The following RORA variants were observed in gnomAD, a reference collection of about 807,000 sequenced individuals.
RORA encodes RAR related orphan receptor A.
A neutral mutation model predicts 69.5 loss-of-function variants in RORA; 7 were observed. The ratio of observed to expected loss-of-function variants is 0.10; its 90% CI spans 0.06 to 0.19. The LOEUF (loss-of-function observed/expected upper bound fraction) is 0.19. Among genes scored for constraint, RORA ranks in the 10% least tolerant of loss-of-function variants. RORA has a pLI of 1.00. For synonymous variants in RORA, 261 were observed against 240.8 expected (o/e 1.08, Z -0.78); for missense variants, 457 against 663.0 (o/e 0.69, Z 3.41).
At chr15:60,522,361 T>C (rs1379566545) in intron 3 of RORA, among the ~76,000 whole-genome samples, 2 of 152,198 alleles carry the variant, frequency 1.3e-5, no homozygotes, top group Admixed American at 1.3e-4. Context: ...ACCACAGAAA[T>C]TGGCAAATGT....
chr15:60,939,517 T>G (rs558413524), intron 1 of RORA, among the ~76,000 whole-genome samples: 1 of 152,348 alleles, frequency 6.6e-6, no homozygotes, highest in South Asian at 2.1e-4. Flanking sequence ...CATAGCGGCC[T>G]TAAGTGTTCA....
chr15:60,577,874 A>G (rs1379058561), intron 2 of RORA, among the ~76,000 whole-genome samples: 2 of 152,224 alleles, frequency 1.3e-5, no homozygotes, highest in Non-Finnish European at 2.9e-5. Context: ...GAATCTTTTT[A>G]TATCTGGCTA....
At chr15:60,714,339 G>A (rs1170886266) in intron 1 of RORA, among the ~76,000 whole-genome samples, 4 of 151,896 alleles carry the variant, frequency 2.6e-5, no homozygotes, top group African/African-American at 7.2e-5. Context: ...GATTACAGGC[G>A]TGAGCCACCG....
chr15:60,707,948 T>C (rs999894239), intron 1 of RORA, among the ~76,000 whole-genome samples: 1 of 152,226 alleles, frequency 6.6e-6, no homozygotes, highest in Non-Finnish European at 1.5e-5. Flanking sequence ...CCCTGTAGGA[T>C]TTGTATAGAA....
At chr15:61,032,923 T>A (rs1196994956) in intron 1 of RORA, among the ~76,000 whole-genome samples, 3 of 152,212 alleles carry the variant, frequency 2.0e-5, no homozygotes, top group Admixed American at 6.5e-5. Flanking sequence ...ATAGCTATAA[T>A]TTATTGACTG....
chr15:61,169,489 A>C (rs909422946), intron 1 of RORA, among the ~76,000 whole-genome samples: 1 of 151,854 alleles, frequency 6.6e-6, no homozygotes, highest in African/African-American at 2.4e-5. Flanking sequence ...AGTGAGAGGA[A>C]GAGTGGTACC....
At chr15:60,525,047 C>T (rs190446447) in intron 3 of RORA, among the ~76,000 whole-genome samples, 85 of 151,936 alleles carry the variant, frequency 5.6e-4, no homozygotes, top group Non-Finnish European at 8.5e-4. Context: ...CATGTAGGGC[C>T]GACTGAATAA....
At chr15:61,017,363 TG>T (rs1895332934) in intron 1 of RORA, among the ~76,000 whole-genome samples, 1 of 152,226 alleles carries the variant, frequency 6.6e-6, no homozygotes. Flanking sequence ...GAAATGCAAA[TG>T]TATGCAATGT....
intron 1 of RORA, among the ~76,000 whole-genome samples, chr15:61,013,816 C>T (rs1236623411): frequency 4.2e-5 from 5 of 119,738 alleles, no homozygotes; most frequent in African/African-American, 1.3e-4. Flanking sequence ...GGGTGTCTCG[C>T]TCGGTTGCCC....
In RORA at chr15:61,147,764, C is replaced by CGTGTGTGT. The variant is rs1435246094; in HGVS notation, c.166+81288_166+81289insACACACAC. On this transcript the variant is annotated intron_variant, in intron 1 of 10. Coordinates refer to ENST00000335670, the MANE Select transcript of RORA (RefSeq NM_134261.3). The surrounding 1 kb of genome is among the most constrained non-coding windows in gnomAD (Gnocchi z 4.1). Reference sequence around the variant, plus strand: ...GATGGTCAGTAGGCACGTGCGCACACGCGTGTGTGTGTGTGTGTGTGTGTG... The same window carrying CGTGTGTGT: ...GATGGTCAGTAGGCACGTGCGCACACGTGTGTGTGCGTGTGTGTGTGTGTGTGTGTGTG... 1.9e-3 allele frequency among the ~76,000 whole-genome samples: 65 copies of CGTGTGTGT among 33,648 alleles called. No individual in the cohort carries two copies. The highest frequency in any genetic ancestry group is 4.8e-3 in the African/African-American group (65 of 13,428). 22.1% of individuals were successfully genotyped at this position (33,648 alleles called of 152,430 possible).
In RORA at chr15:60,514,602, C is replaced by T. The variant is rs139486784; in HGVS notation, c.424+14G>A. 1.2e-3 allele frequency: 1,873 copies of T among 1,613,468 alleles called. 18 individuals are homozygous for T. In the African/African-American group the frequency reaches 0.023, roughly 20 times the overall value. On this transcript the variant is annotated intron_variant, in intron 4 of 10. Coordinates refer to ENST00000335670, the MANE Select transcript of RORA (RefSeq NM_134261.3). The stretch of plus-strand genomic sequence containing the variant: ...ACCCCGTGCAACTGTACAACTCAAG[C>T]TGTGAGAGCTCACCATCTCGAGACA...
intron 1 of RORA, among the ~76,000 whole-genome samples, chr15:60,981,738 T>G (rs1894049898): frequency 6.6e-6 from 1 of 152,206 alleles, no homozygotes; most frequent in Non-Finnish European, 1.5e-5. Context: ...AGTTTCAGCT[T>G]TTTGAATATA....
At chr15:61,069,160 T>C (rs1378015857) in intron 1 of RORA, among the ~76,000 whole-genome samples, 1 of 152,206 alleles carries the variant, frequency 6.6e-6, no homozygotes, top group Non-Finnish European at 1.5e-5. Flanking sequence ...AAAAAGAAGA[T>C]TAATCAACCA....
intron 2 of RORA, among the ~76,000 whole-genome samples, chr15:60,622,510 G>A (rs1349468956): frequency 6.6e-6 from 1 of 151,828 alleles, no homozygotes; most frequent in Non-Finnish European, 1.5e-5. Context: ...TACTCAGGAG[G>A]CTGAGATAGG....
intron 1 of RORA, among the ~76,000 whole-genome samples, chr15:60,739,691 C>T (rs1259722465): frequency 6.6e-6 from 1 of 152,144 alleles, no homozygotes; most frequent in Admixed American, 6.5e-5. Context: ...ATACAAGTGC[C>T]CTGCCTCGGG....
chr15:60,772,950 T>G (rs943812074), intron 1 of RORA, among the ~76,000 whole-genome samples: 5 of 152,248 alleles, frequency 3.3e-5, no homozygotes, highest in African/African-American at 1.2e-4. Flanking sequence ...CGATTAAGAT[T>G]AATCCCGCCA....
At chr15:60,900,324 G>T (rs1478411226) in intron 1 of RORA, among the ~76,000 whole-genome samples, 2 of 152,176 alleles carry the variant, frequency 1.3e-5, no homozygotes, top group African/African-American at 4.8e-5. Flanking sequence ...AACATAAACA[G>T]TAGCCCAACA....
rs75857159 is a variant in RORA, at chr15:60,841,706, G to C, written c.167-163020C>G. Reference sequence around the variant, plus strand: ...GAGCCAACACCCCTCCACACACCTGGTCAGTCCATTTTCTGCCCTCGTTCT... The same window carrying C: ...GAGCCAACACCCCTCCACACACCTGCTCAGTCCATTTTCTGCCCTCGTTCT... On this transcript the variant is annotated intron_variant, in intron 1 of 10. Transcript: ENST00000335670. Among the ~76,000 whole-genome samples, 806 of 152,246 alleles carry C rather than the reference G, an allele frequency of 5.3e-3. 5 individuals are homozygous for C. The highest frequency in any genetic ancestry group is 0.018 in the African/African-American group (766 of 41,548).
chr15:60,582,082 C>T (rs1037638846), intron 2 of RORA, among the ~76,000 whole-genome samples: 26 of 151,994 alleles, frequency 1.7e-4, no homozygotes, highest in Admixed American at 1.3e-3. Context: ...CCATCAAAAA[C>T]GGAAAAAGCT....
Sources: gnomAD v4.1 joint callset for allele counts (sites outside exome capture counted in the v4.1 genomes callset) on GRCh38, gnomAD v4.1.1 for gene constraint, Gnocchi (gnomAD v3.1) non-coding constraint, MANE v1.5 for transcripts, NCBI Gene and HGNC (gene_info 2026-07-23, HGNC 2026-07-21) for gene names.